The following CDC45 variants were observed in gnomAD, a reference collection of about 807,000 sequenced individuals.
CDC45 encodes the protein cell division control protein 45 homolog.
Under a neutral mutation model 77.8 loss-of-function variants are expected in CDC45, and 54 were observed. The ratio of observed to expected loss-of-function variants is 0.69; its 90% CI spans 0.56 to 0.87. The LOEUF is 0.87. CDC45 is among the 40% of genes least tolerant of loss of function. The pLI is 0.00. For synonymous variants in CDC45, 260 were observed against 272.1 expected (o/e 0.96, Z 0.44); for missense variants, 649 against 721.6 (o/e 0.90, Z 1.15).
chr22:19,510,207 C>T lies in CDC45; in HGVS notation c.1217+1516C>T, dbSNP rs370116423. ...TTCCTAGGCTCAAGCAATCCTTTCA[C>T]CTCAGCCTCCCAAAGTGCTGGGAGG... On this transcript the variant is annotated intron_variant, in intron 13 of 18. Transcript: ENST00000263201. Among the ~76,000 whole-genome samples the T allele has an allele frequency of 1.6e-4, 25 of 152,294 alleles. No homozygotes were observed. The East Asian group carries it at 2.1e-3, about 13-fold the overall frequency.
chr22:19,485,333 T>G (rs1221979248), intron 5 of CDC45, among the ~76,000 whole-genome samples: 3 of 152,228 alleles, frequency 2.0e-5, no homozygotes, highest in Admixed American at 2.0e-4. Flanking sequence ...GAGAGCAAAG[T>G]CCTGCCTTTG....
At chr22:19,502,261 T>C (rs969488095) in intron 9 of CDC45, among the ~76,000 whole-genome samples, 4 of 152,208 alleles carry the variant, frequency 2.6e-5, no homozygotes, top group African/African-American at 9.6e-5. Context: ...TATAAAATCG[T>C]TCAGTCAATA....
chr22:19,494,200 G>A, intron 5 of CDC45, 127 bp from the exon 6 acceptor site: 2 of 774,302 alleles, frequency 2.6e-6, no homozygotes, highest in Non-Finnish European at 4.5e-6. Flanking sequence ...CGGGGCACTG[G>A]TGTGACCGTG....
At position 19,520,342 on chromosome 22, in the gene CDC45, G is replaced by A. The variant is rs1934042639; in HGVS notation, c.*2-139G>A. 6.6e-6 allele frequency: 1 copy of A among 152,314 alleles called. No individual in the cohort carries two copies. The highest frequency in any genetic ancestry group is 2.4e-5 in the African/African-American group (1 of 41,450). The allele number at this position is 152,314 out of a possible 1,614,324, so 9.4% of individuals were successfully genotyped here. ...TGCTATGAGGACAGCAGGGGCCTCC[G>A]AGTCTGGGGTGGCCTCACCCCCACA... On this transcript the variant is annotated intron_variant, in intron 18 of 18. Transcript: ENST00000263201. The surrounding 1 kb of genome is among the most constrained non-coding windows in gnomAD (Gnocchi z 4.5).
At chr22:19,516,050 C>T (rs1157294039) in intron 15 of CDC45, among the ~76,000 whole-genome samples, 3 of 151,918 alleles carry the variant, frequency 2.0e-5, no homozygotes, top group Non-Finnish European at 2.9e-5. Flanking sequence ...CCTGAAGGAG[C>T]GTGCCGGCGG....
intron 18 of CDC45, 78 bp downstream of exon 18, chr22:19,518,987 C>G: frequency 2.8e-6 from 3 of 1,075,060 alleles, no homozygotes; most frequent in Non-Finnish European, 4.3e-6. Context: ...TCTGTCCTCC[C>G]TCAACGGAGG....
intron 13 of CDC45, among the ~76,000 whole-genome samples, chr22:19,512,257 C>G (rs1480970283): frequency 1.3e-5 from 2 of 152,196 alleles, no homozygotes; most frequent in Non-Finnish European, 2.9e-5. Context: ...TTCCCTTGGC[C>G]CACTGCACTC....
intron 18 of CDC45, among the ~76,000 whole-genome samples, chr22:19,519,270 C>T (rs1054996817): frequency 2.6e-5 from 4 of 152,236 alleles, no homozygotes; most frequent in African/African-American, 4.8e-5. Context: ...CCACAGCCTT[C>T]GTGTCAGGCG....
At chr22:19,493,224 TG>T (rs1056937913) in intron 5 of CDC45, among the ~76,000 whole-genome samples, 1 of 124,348 alleles carries the variant, frequency 8.0e-6, no homozygotes, top group Non-Finnish European at 1.6e-5. Flanking sequence ...GCAGCTTTTG[TG>T]GGTTTTTTTT....
intron 3 of CDC45, among the ~76,000 whole-genome samples, 199 bp downstream of exon 3, chr22:19,481,244 TAATG>T (rs2089977807): frequency 6.6e-6 from 1 of 152,228 alleles, no homozygotes; most frequent in Non-Finnish European, 1.5e-5. Context: ...CAAAAAAAGA[TAATG>T]AATGTGGATA....
intron 10 of CDC45, among the ~76,000 whole-genome samples, chr22:19,507,179 G>A (rs1933237556): frequency 6.6e-6 from 1 of 152,218 alleles, no homozygotes; most frequent in Non-Finnish European, 1.5e-5. Flanking sequence ...ACGGATGGTG[G>A]TCTATGCCTG....
chr22:19,501,120 C>T (rs1357916273), intron 9 of CDC45, among the ~76,000 whole-genome samples: 16 of 152,232 alleles, frequency 1.1e-4, no homozygotes, highest in African/African-American at 2.6e-4. Context: ...GCGGAGGCTG[C>T]GGTGAGCTGA....
At chr22:19,507,979 A>G (rs1195897402) in intron 12 of CDC45, 115 bp downstream of exon 12, 2 of 678,454 alleles carry the variant, frequency 2.9e-6, no homozygotes, top group African/African-American at 3.6e-5. Flanking sequence ...TGCTCCTAAA[A>G]TAATGCAAAA....
chr22:19,489,451 T>C (rs1376554869), intron 5 of CDC45, among the ~76,000 whole-genome samples: 1 of 152,180 alleles, frequency 6.6e-6, no homozygotes, highest in Admixed American at 6.5e-5. Flanking sequence ...TTCTGTAATT[T>C]CATTTCAACA....
At chr22:19,500,177 C>G (rs1015199031) in intron 9 of CDC45, among the ~76,000 whole-genome samples, 2 of 152,204 alleles carry the variant, frequency 1.3e-5, no homozygotes, top group Non-Finnish European at 2.9e-5. Flanking sequence ...GGCACTGTTC[C>G]TGGTCTGTAG....
intron 9 of CDC45, among the ~76,000 whole-genome samples, chr22:19,503,709 C>T (rs1932992092): frequency 6.6e-6 from 1 of 152,196 alleles, no homozygotes. Flanking sequence ...CCTTCCAATG[C>T]AGAGGAAGTC....
rs1006545442 is a variant in CDC45, at chr22:19,518,749, A to G, written c.1637-95A>G. The G allele has an allele frequency of 5.3e-6, 5 of 951,982 alleles. No homozygotes were observed. The African/African-American group carries it at 8.0e-5, about 15-fold the overall frequency. The allele number at this position is 951,982 out of a possible 1,614,324, so 59.0% of individuals were successfully genotyped here. A position where few individuals can be genotyped will look rare whatever the true frequency, so the allele number is the denominator to read the frequency against. Reference sequence around the variant, plus strand: ...GCCGGGAGGAGCCGCGCACTTTGGAATGCAGTGGAGGGCAGGCAGCGGAGG... The same window carrying G: ...GCCGGGAGGAGCCGCGCACTTTGGAGTGCAGTGGAGGGCAGGCAGCGGAGG... On this transcript the variant is annotated intron_variant, in intron 17 of 18. Transcript: ENST00000263201.
At chr22:19,488,385 T>G (rs1568916094) in intron 5 of CDC45, among the ~76,000 whole-genome samples, 2 of 152,248 alleles carry the variant, frequency 1.3e-5, no homozygotes, top group African/African-American at 4.8e-5. Context: ...ACTGGAAGCA[T>G]GGCTCAGACA....
intron 5 of CDC45, among the ~76,000 whole-genome samples, chr22:19,484,620 T>G (rs1271281382): frequency 6.6e-6 from 1 of 152,224 alleles, no homozygotes; most frequent in Non-Finnish European, 1.5e-5. Flanking sequence ...GGCCTCTGGC[T>G]CCTGATCTTG....
Sources: allele counts gnomAD v4.1 joint callset (sites outside exome capture counted in the v4.1 genomes callset), GRCh38; gene constraint gnomAD v4.1.1; non-coding constraint Gnocchi (gnomAD v3.1); transcripts MANE v1.5; gene names NCBI Gene and HGNC (gene_info 2026-07-23, HGNC 2026-07-21).